EXD2: variants seen among roughly 807,000 people sequenced by gnomAD.
EXD2 encodes the protein exonuclease 3'-5' domain containing 2, also known as exonuclease 3'-5' domain-containing protein 2.
A neutral mutation model predicts 62.5 loss-of-function variants in EXD2; 40 were observed. The ratio of observed to expected loss-of-function variants is 0.64; its 90% CI spans 0.50 to 0.83. The LOEUF (loss-of-function observed/expected upper bound fraction) is 0.83, where lower values mean the gene tolerates loss of function less well. Among genes scored for constraint, EXD2 ranks in the 40% least tolerant of loss-of-function variants. EXD2 has a pLI of 0.00. For missense variants in EXD2, 671 were observed against 761.8 expected, an observed-to-expected ratio of 0.88 and a Z score of 1.40; for synonymous variants, 239 against 291.9, an observed-to-expected ratio of 0.82 and a Z score of 1.85.
chr14:69,210,616 C>T (rs1400836879), intron 3 of EXD2, among the ~76,000 whole-genome samples: 1 of 152,166 alleles, frequency 6.6e-6, no homozygotes, highest in South Asian at 2.1e-4. Context: ...TAATACCAGT[C>T]AGCCAGGTCA....
At chr14:69,215,001 T>G (rs4902702) in intron 3 of EXD2, among the ~76,000 whole-genome samples, 116,199 of 151,902 alleles carry the variant, frequency 0.76, 45,908 homozygotes, top group East Asian at 1. Flanking sequence ...TACAGTATAG[T>G]CCGGGCGTGG....
chr14:69,217,028 A>G (rs1362660656), intron 3 of EXD2, among the ~76,000 whole-genome samples: 1 of 151,960 alleles, frequency 6.6e-6, no homozygotes, highest in Non-Finnish European at 1.5e-5. Context: ...GGTAAACACT[A>G]TTCTACTCTC....
Position 69,236,048 on chromosome 14 carries a change from A to T in EXD2, c.1052A>T (p.Lys351Ile), listed in dbSNP as rs1327462915. ...KPLGVGYSAR[K>I]SPLYDNCFLH... ...ATTTCTCTTTCCTTTCCCTGCAGAA[A>T]ATCACCTCTTTATGATAACTGCTTT... Residue 351 changes from lysine to isoleucine, a missense_variant and splice_region_variant, in exon 7 of 10, where the codon AAA becomes ATA. Lys to Ile is a moderately radical substitution (Grantham distance 102, BLOSUM62 -3). Coordinates refer to ENST00000685843, the MANE Select transcript of EXD2 (RefSeq NM_001193360.2). 5.6e-6 allele frequency: 9 copies of T among 1,613,388 alleles called. No individual in the cohort carries two copies. The highest frequency in any genetic ancestry group is 7.6e-6 in the Non-Finnish European group (9 of 1,179,432).
intron 9 of EXD2, among the ~76,000 whole-genome samples, chr14:69,238,857 A>G (rs1339775382): frequency 1.3e-5 from 2 of 152,132 alleles, no homozygotes; most frequent in African/African-American, 4.8e-5. Context: ...CTGGTCTCAG[A>G]TTCCTGACCT....
chr14:69,240,289 A>C (rs1341394184), intron 9 of EXD2, among the ~76,000 whole-genome samples: 1 of 152,116 alleles, frequency 6.6e-6, no homozygotes, highest in African/African-American at 2.4e-5. Flanking sequence ...GGAGGGAGGC[A>C]TTCATCTTCT....
At chr14:69,229,204 T>C (rs1391102805) in intron 4 of EXD2, 132 bp downstream of exon 4, 3 of 1,223,330 alleles carry the variant, frequency 2.5e-6, no homozygotes, top group African/African-American at 1.5e-5. Context: ...AAGATGCATA[T>C]TGAATTTGTA....
chr14:69,225,018 C>T (rs1392064406), intron 3 of EXD2, among the ~76,000 whole-genome samples: 1 of 152,184 alleles, frequency 6.6e-6, no homozygotes, highest in Admixed American at 6.5e-5. Context: ...CCTACATGCT[C>T]TTAAGGTCTT....
intron 9 of EXD2, among the ~76,000 whole-genome samples, chr14:69,240,633 A>G (rs1163957173): frequency 6.6e-6 from 1 of 152,184 alleles, no homozygotes; most frequent in Admixed American, 6.6e-5. Flanking sequence ...GGAGCTGAAC[A>G]TTATGAAGTG....
chr14:69,221,942 G>A (rs867417966), intron 3 of EXD2, among the ~76,000 whole-genome samples: 134 of 107,046 alleles, frequency 1.3e-3, no homozygotes, highest in Admixed American at 4.3e-3. Flanking sequence ...AAAAAAATTA[G>A]CCAGGCGTGG....
intron 3 of EXD2, among the ~76,000 whole-genome samples, chr14:69,222,693 G>C (rs1594763088): frequency 1.5e-5 from 2 of 135,924 alleles, no homozygotes; most frequent in East Asian, 1.1e-3. Context: ...GATATAGAGT[G>C]ATTGTTTGCT....
Position 69,225,754 on chromosome 14 carries a change from AAG to A in EXD2, c.334-3061_334-3060del, listed in dbSNP as rs539586048. Among the ~76,000 whole-genome samples, 20 of 152,264 alleles carry A rather than the reference AAG, an allele frequency of 1.3e-4. No individual in the cohort carries two copies. The East Asian group carries it at 3.1e-3, about 23-fold the overall frequency. Reference sequence around the variant, plus strand: ...GGGCAAAAAGACATTAGAAAGCAAAAAGGGGGAAATATGAGAAATAGAGACTA... The same window carrying A: ...GGGCAAAAAGACATTAGAAAGCAAAAGGGGAAATATGAGAAATAGAGACTA... On this transcript the variant is annotated intron_variant, in intron 3 of 9. Transcript: ENST00000685843.
At position 69,238,417 on chromosome 14, in the gene EXD2, A is replaced by G. The variant is rs567450090; in HGVS notation, c.1649+486A>G. Among the ~76,000 whole-genome samples, 3 of 152,280 alleles carry G rather than the reference A, an allele frequency of 2.0e-5. No homozygotes were observed. In the South Asian group the frequency reaches 6.2e-4, roughly 32 times the overall value. ...AAATCCACCAATGCTTAAGTGCCTG[A>G]TATACAATGGCATAGTATTTGCATA... On this transcript the variant is annotated intron_variant, in intron 9 of 9. Coordinates refer to ENST00000685843, the MANE Select transcript of EXD2 (RefSeq NM_001193360.2).
At chr14:69,197,304 TTGG>T (rs1429211338) in intron 1 of EXD2, among the ~76,000 whole-genome samples, 24 of 152,306 alleles carry the variant, frequency 1.6e-4, no homozygotes, top group Admixed American at 2.6e-4. Flanking sequence ...TTTTTATTAT[TTGG>T]TGGTAAGAGA....
chr14:69,220,172 C>T (rs943574253), intron 3 of EXD2, among the ~76,000 whole-genome samples: 5 of 149,012 alleles, frequency 3.4e-5, no homozygotes, highest in African/African-American at 7.4e-5. Context: ...TCCTGTCTGG[C>T]GCCTGCACCT....
At chr14:69,196,569 C>T (rs2042210759) in intron 1 of EXD2, among the ~76,000 whole-genome samples, 1 of 151,776 alleles carries the variant, frequency 6.6e-6, no homozygotes, top group Admixed American at 6.6e-5. Context: ...TACCATTTGA[C>T]ATTCCCACCA....
intron 2 of EXD2, among the ~76,000 whole-genome samples, chr14:69,205,481 T>A (rs192888016): frequency 2.6e-5 from 4 of 152,326 alleles, no homozygotes; most frequent in African/African-American, 9.6e-5. Flanking sequence ...ATTGAGTTTT[T>A]AAAAATTTTT....
At chr14:69,210,155 A>G (rs1594744482) in intron 3 of EXD2, 1 of 177,708 alleles carries the variant, frequency 5.6e-6, no homozygotes, top group East Asian at 1.6e-4. Flanking sequence ...TAAGGATTCA[A>G]ATAGATCACC....
chr14:69,236,766 C>G (rs545952833), intron 8 of EXD2, among the ~76,000 whole-genome samples: 2 of 152,332 alleles, frequency 1.3e-5, no homozygotes, highest in Admixed American at 1.3e-4. Flanking sequence ...CAACACCATA[C>G]TCAGTAATGG....
Position 69,228,803 on chromosome 14 carries a change from T to C in EXD2, c.334-13T>C. 1.2e-6 allele frequency: 2 copies of C among 1,604,820 alleles called. No homozygotes were observed. Among genetic ancestry groups the C allele is most frequent in the Non-Finnish European group, 1.7e-6 (2 of 1,175,332 alleles). On this transcript the variant is annotated splice_polypyrimidine_tract_variant and intron_variant, in intron 3 of 9. Transcript: ENST00000685843. Reference sequence around the variant, plus strand: ...TCAGGTGTGAACCACAACCTTGTCTTCCTCTGTTGCAGGTAAATTTGGAAG... The same window carrying C: ...TCAGGTGTGAACCACAACCTTGTCTCCCTCTGTTGCAGGTAAATTTGGAAG...
Sources: allele counts gnomAD v4.1 joint callset (sites outside exome capture counted in the v4.1 genomes callset), GRCh38; gene constraint gnomAD v4.1.1; transcripts MANE v1.5; gene names NCBI Gene and HGNC (gene_info 2026-07-23, HGNC 2026-07-21).